Variants in CRYBG1 observed in about 807,000 individuals in gnomAD.
CRYBG1 encodes beta/gamma crystallin domain-containing protein 1.
In CRYBG1, 139 loss-of-function variants were observed where a neutral mutation model predicts 189.2. The ratio of observed to expected loss-of-function variants is 0.73; its 90% CI spans 0.64 to 0.85. The LOEUF (loss-of-function observed/expected upper bound fraction) is 0.85. Among genes scored for constraint, CRYBG1 ranks in the 40% least tolerant of loss-of-function variants. The pLI, the probability that CRYBG1 is intolerant of heterozygous loss-of-function variation, is 0.00. For missense variants in CRYBG1, 2,611 were observed against 2,675.8 expected, an observed-to-expected ratio of 0.98 and a Z score of 0.53; for synonymous variants, 1,023 against 1,017.1, an observed-to-expected ratio of 1.01 and a Z score of -0.11.
intron 1 of CRYBG1, among the ~76,000 whole-genome samples, chr6:106,379,134 G>A (rs919823911): frequency 6.6e-6 from 1 of 152,172 alleles, no homozygotes; most frequent in South Asian, 2.1e-4. Context: ...GGGCGATAGA[G>A]CCAGACTCTG....
intron 1 of CRYBG1, among the ~76,000 whole-genome samples, chr6:106,429,358 AATGTCCATGCTGT>A (rs1771283629): frequency 6.6e-6 from 1 of 151,636 alleles, no homozygotes; most frequent in Non-Finnish European, 1.5e-5. Context: ...ACAAAAGGAA[AATGTCCATGCTGT>A]ATGTGGGAAT....
At chr6:106,400,820 G>C (rs539917519) in intron 1 of CRYBG1, among the ~76,000 whole-genome samples, 1 of 152,288 alleles carries the variant, frequency 6.6e-6, no homozygotes, top group African/African-American at 2.4e-5. Flanking sequence ...GTTCTTTAAA[G>C]GAAAGTCAGA....
chr6:106,396,887 G>A (rs1384176429), intron 1 of CRYBG1, among the ~76,000 whole-genome samples: 1 of 152,164 alleles, frequency 6.6e-6, no homozygotes, highest in Non-Finnish European at 1.5e-5. Flanking sequence ...TCACCATGTT[G>A]GCCAAGCTGA....
chr6:106,561,371 A>T lies in CRYBG1; in HGVS notation c.6009A>T (p.Lys2003Asn). 1 of 1,614,042 alleles carries T rather than the reference A, an allele frequency of 6.2e-7. No homozygotes were observed. The highest frequency in any genetic ancestry group is 8.5e-7 in the Non-Finnish European group (1 of 1,179,970). Residue 2003 changes from lysine (K) to asparagine (N), a missense_variant, in exon 20 of 22, where the codon AAA (lysine) becomes AAT (asparagine). This residue lies in a region of CRYBG1 where 1,622 missense variants were observed against 1,735.0 expected (regional missense o/e 0.93). Coordinates refer to ENST00000633556, the MANE Select transcript of CRYBG1 (RefSeq NM_001371242.2). Reference sequence around the variant, plus strand: ...GAATTTATTTCAGACTTCGAAACAAAGCAACAGGGTTATTCATGTCAACCA... The same window carrying T: ...GAATTTATTTCAGACTTCGAAACAATGCAACAGGGTTATTCATGTCAACCA... ...QKRIYFRLRNKATGLFMSTNG... is the reference protein window; with the variant it reads ...QKRIYFRLRNNATGLFMSTNG...
chr6:106,480,774 C>T (rs1772434164), intron 2 of CRYBG1, among the ~76,000 whole-genome samples: 1 of 151,874 alleles, frequency 6.6e-6, no homozygotes, highest in Admixed American at 6.6e-5. Flanking sequence ...TAGTTTGAGA[C>T]CAGCCTGGCC....
At chr6:106,537,021 C>T (rs1582824933) in intron 8 of CRYBG1, among the ~76,000 whole-genome samples, 1 of 152,196 alleles carries the variant, frequency 6.6e-6, no homozygotes, top group South Asian at 2.1e-4. Flanking sequence ...CACTCATTTA[C>T]TAAGGGAGAA....
chr6:106,438,521 C>G (rs1234526923), intron 1 of CRYBG1, among the ~76,000 whole-genome samples: 1 of 152,138 alleles, frequency 6.6e-6, no homozygotes, highest in Non-Finnish European at 1.5e-5. Context: ...CCTTGGTGTT[C>G]TCGTTGGCTT....
chr6:106,412,347 T>C (rs1770939877), intron 1 of CRYBG1, among the ~76,000 whole-genome samples: 1 of 152,256 alleles, frequency 6.6e-6, no homozygotes, highest in Non-Finnish European at 1.5e-5. Flanking sequence ...AAATTCTCTT[T>C]CTTGCTTTTG....
intron 8 of CRYBG1, among the ~76,000 whole-genome samples, chr6:106,532,536 A>C (rs188744271): frequency 2.8e-4 from 42 of 152,316 alleles, no homozygotes; most frequent in African/African-American, 8.7e-4. Context: ...AGTGTGGAAG[A>C]GTTCCCTTTG....
chr6:106,552,535 C>T (rs758523915), intron 15 of CRYBG1, among the ~76,000 whole-genome samples: 31 of 128,690 alleles, frequency 2.4e-4, no homozygotes, highest in Non-Finnish European at 2.9e-4. Context: ...TGGAGTGAGC[C>T]GAGATCGCAC....
At chr6:106,497,839 C>T (rs907401183) in intron 2 of CRYBG1, among the ~76,000 whole-genome samples, 23 of 152,182 alleles carry the variant, frequency 1.5e-4, no homozygotes, top group African/African-American at 5.3e-4. Flanking sequence ...GCCTGTAATC[C>T]CAGCACTTTG....
intron 1 of CRYBG1, among the ~76,000 whole-genome samples, chr6:106,372,507 C>T (rs547088327): frequency 6.6e-6 from 1 of 152,208 alleles, no homozygotes; most frequent in Non-Finnish European, 1.5e-5. Flanking sequence ...CCACCTTGGC[C>T]TCCCAAAATG....
chr6:106,520,194 G>C lies in CRYBG1; in HGVS notation c.2986G>C (p.Val996Leu). The change falls in exon 4 of 22, where the codon GTG (valine) becomes CTG (leucine). Residue 996 changes from valine to leucine, a missense_variant. Val to Leu is a conservative substitution (Grantham distance 32, BLOSUM62 1). Coordinates refer to ENST00000633556, the MANE Select transcript of CRYBG1 (RefSeq NM_001371242.2). ...LPTCHSNEPEVVSVASCAPPQ... is the reference protein window; with the variant it reads ...LPTCHSNEPELVSVASCAPPQ... ...AACTTGTCACAGTAATGAACCTGAAGTGGTTTCCGTTGCAAGTTGTGCTCC... is the reference window on the plus strand; with the variant it reads ...AACTTGTCACAGTAATGAACCTGAACTGGTTTCCGTTGCAAGTTGTGCTCC... The C allele has an allele frequency of 6.2e-7, 1 of 1,614,136 alleles. No individual in the cohort carries two copies. Among genetic ancestry groups the C allele is most frequent in the Non-Finnish European group, 8.5e-7 (1 of 1,180,030 alleles).
rs745541466 is a variant in CRYBG1 at position 106,512,836 on chromosome 6, C to T, written c.1719C>T (p.Val573=). The T allele has an allele frequency of 1.3e-6, 2 of 1,580,866 alleles. No homozygotes were observed. Among genetic ancestry groups the T allele is most frequent in the Non-Finnish European group, 1.7e-6 (2 of 1,163,530 alleles). Residue 573 remains valine, a synonymous_variant, in exon 3 of 22, where the codon GTC becomes GTT. Transcript: ENST00000633556. ...GGGCCATCCCCCGCGAGCTCCCGGT[C>T]AAGAGCAGCTCGCTGCTGCCGGAGA... ...AARAIPRELP[V]KSSSLLPEIK...
At chr6:106,399,417 G>C (rs1770676857) in intron 1 of CRYBG1, among the ~76,000 whole-genome samples, 1 of 152,044 alleles carries the variant, frequency 6.6e-6, no homozygotes, top group African/African-American at 2.4e-5. Flanking sequence ...TGATGCCCTT[G>C]TTATATCCCA....
chr6:106,471,015 C>T (rs1213142250), intron 2 of CRYBG1, among the ~76,000 whole-genome samples: 1 of 152,150 alleles, frequency 6.6e-6, no homozygotes, highest in African/African-American at 2.4e-5. Context: ...GTGGAAATAA[C>T]CCAAATACAC....
chr6:106,553,697 G>A (rs1268540338), intron 16 of CRYBG1, 130 bp downstream of exon 16: 5 of 686,150 alleles, frequency 7.3e-6, no homozygotes, highest in Non-Finnish European at 1.3e-5. Context: ...CCAATGGCGT[G>A]CTTCGTGATA....
intron 2 of CRYBG1, among the ~76,000 whole-genome samples, chr6:106,488,877 T>G (rs528058830): frequency 6.6e-6 from 1 of 152,164 alleles, no homozygotes; most frequent in Admixed American, 6.5e-5. Flanking sequence ...TGGAAGGCAG[T>G]GTACACTCCA....
intron 2 of CRYBG1, among the ~76,000 whole-genome samples, chr6:106,456,651 C>A (rs1771894990): frequency 6.6e-6 from 1 of 152,098 alleles, no homozygotes; most frequent in Non-Finnish European, 1.5e-5. Flanking sequence ...GGTAGGTGGT[C>A]ACTTTGAGAG....
Sources: gnomAD v4.1 joint callset for allele counts (sites outside exome capture counted in the v4.1 genomes callset) on GRCh38, gnomAD v4.1.1 for gene constraint, gnomAD v4.1.1 regional missense constraint, MANE v1.5 for transcripts, NCBI Gene and HGNC (gene_info 2026-07-23, HGNC 2026-07-21) for gene names.